CFAP20DC: variants seen among roughly 807,000 people sequenced by gnomAD.
CFAP20DC encodes the protein CFAP20 domain containing, also known as protein CFAP20DC.
In CFAP20DC, 84 loss-of-function variants were observed where a neutral mutation model predicts 101.7. The observed-to-expected ratio is 0.83, with a 90% CI of 0.69 to 0.99. The LOEUF (loss-of-function observed/expected upper bound fraction) is 0.99, where lower values mean the gene tolerates loss of function less well. Among genes scored for constraint, CFAP20DC ranks in the 50% least tolerant of loss-of-function variants. The pLI is 0.00. For synonymous variants in CFAP20DC, 359 were observed against 351.2 expected, an observed-to-expected ratio of 1.02 and a Z score of -0.25; for missense variants, 1,007 against 970.3, an observed-to-expected ratio of 1.04 and a Z score of -0.50.
intron 13 of CFAP20DC, among the ~76,000 whole-genome samples, chr3:58,840,375 A>T (rs907895609): frequency 2.0e-5 from 3 of 152,164 alleles, no homozygotes; most frequent in Admixed American, 1.3e-4. Context: ...TCAATTCAAG[A>T]CCTCAAGCAG....
At chr3:58,743,348 T>A (rs2067986570) in intron 16 of CFAP20DC, among the ~76,000 whole-genome samples, 1 of 152,204 alleles carries the variant, frequency 6.6e-6, no homozygotes, top group South Asian at 2.1e-4. Flanking sequence ...TAAGTACTTT[T>A]GTATTCAAAA....
intron 5 of CFAP20DC, among the ~76,000 whole-genome samples, chr3:58,934,950 G>C (rs2087312654): frequency 6.6e-6 from 1 of 152,268 alleles, no homozygotes; most frequent in Middle Eastern, 3.4e-3. Context: ...AGGAAATAAG[G>C]GGTATTCCAT....
chr3:58,762,000 G>T (rs949774121), intron 15 of CFAP20DC, among the ~76,000 whole-genome samples: 4 of 152,076 alleles, frequency 2.6e-5, no homozygotes, highest in Non-Finnish European at 5.9e-5. Context: ...GTGCTGAAAA[G>T]AATGTATATT....
intron 14 of CFAP20DC, among the ~76,000 whole-genome samples, chr3:58,831,317 G>A (rs2076377580): frequency 6.6e-6 from 1 of 152,150 alleles, no homozygotes; most frequent in African/African-American, 2.4e-5. Context: ...TTTCCTCTGT[G>A]TTCATTCATT....
At chr3:59,043,157 AT>A (rs1699544751) in intron 3 of CFAP20DC, among the ~76,000 whole-genome samples, 1 of 152,164 alleles carries the variant, frequency 6.6e-6, no homozygotes, top group Admixed American at 6.5e-5. Context: ...CAGAGATGGC[AT>A]TTAAATCCAT....
In CFAP20DC at chr3:58,811,871, C is replaced by T. The variant is rs144121301; in HGVS notation, c.2176-5415G>A. Among the ~76,000 whole-genome samples the T allele has an allele frequency of 2.8e-4, 43 of 152,210 alleles. No homozygotes were observed. The East Asian group carries it at 4.8e-3, about 17-fold the overall frequency. ...AACAAATTTACAAGAAAAAAAGAAA[C>T]GACCCCATCAAAAAGTGGGCGAAGG... On this transcript the variant is annotated intron_variant, in intron 14 of 16. Transcript: ENST00000482387.
At position 58,766,996 on chromosome 3, in the gene CFAP20DC, G is replaced by C. The variant is rs147913060; in HGVS notation, c.2238-13133C>G. Among the ~76,000 whole-genome samples the C allele has an allele frequency of 1.7e-3, 258 of 152,202 alleles. 1 individual carries two copies. The highest frequency in any genetic ancestry group is 5.8e-3 in the African/African-American group (240 of 41,528). On this transcript the variant is annotated intron_variant, in intron 15 of 16. Transcript: ENST00000482387. ...TGTGATCTTCTCGTTAAGAGCTCTCGTCTCAGCTCATAATTACAACCTCGT... is the reference window on the plus strand; with the variant it reads ...TGTGATCTTCTCGTTAAGAGCTCTCCTCTCAGCTCATAATTACAACCTCGT...
intron 15 of CFAP20DC, among the ~76,000 whole-genome samples, chr3:58,804,645 G>A (rs142407056): frequency 1.3e-5 from 2 of 152,258 alleles, no homozygotes; most frequent in African/African-American, 4.8e-5. Flanking sequence ...TTATAGGCAT[G>A]AGCCACCATG....
intron 4 of CFAP20DC, among the ~76,000 whole-genome samples, chr3:58,961,896 T>C (rs2108240559): frequency 6.6e-6 from 1 of 152,308 alleles, no homozygotes; most frequent in African/African-American, 2.4e-5. Flanking sequence ...ATTTTGGTCA[T>C]TTGTGTCTCC....
At chr3:58,793,947 T>G (rs2107649389) in intron 15 of CFAP20DC, among the ~76,000 whole-genome samples, 1 of 152,342 alleles carries the variant, frequency 6.6e-6, no homozygotes, top group East Asian at 1.9e-4. Context: ...TGCAACAGAT[T>G]ACAGTTGCTT....
At chr3:58,921,921 T>A (rs186191894) in intron 5 of CFAP20DC, among the ~76,000 whole-genome samples, 1 of 152,356 alleles carries the variant, frequency 6.6e-6, no homozygotes, top group Admixed American at 6.5e-5. Context: ...ATCTTCTTCA[T>A]CATTTAACCT....
At chr3:58,759,671 T>G (rs1282153814) in intron 15 of CFAP20DC, among the ~76,000 whole-genome samples, 1 of 152,250 alleles carries the variant, frequency 6.6e-6, no homozygotes, top group Admixed American at 6.5e-5. Flanking sequence ...GTTTTAGGTC[T>G]AACGTTTAAG....
intron 4 of CFAP20DC, among the ~76,000 whole-genome samples, chr3:58,942,637 A>G (rs1341254264): frequency 6.6e-6 from 1 of 152,182 alleles, no homozygotes; most frequent in Non-Finnish European, 1.5e-5. Flanking sequence ...TCAGGCAAAA[A>G]ACAGGGCAGC....
At chr3:58,906,851 C>A (rs2083640146) in intron 6 of CFAP20DC, among the ~76,000 whole-genome samples, 1 of 152,210 alleles carries the variant, frequency 6.6e-6, no homozygotes, top group Admixed American at 6.5e-5. Context: ...TAGCTTGAGC[C>A]CATGGAGGCT....
At chr3:58,934,179 G>A (rs1481681206) in intron 5 of CFAP20DC, among the ~76,000 whole-genome samples, 1 of 152,174 alleles carries the variant, frequency 6.6e-6, no homozygotes, top group Non-Finnish European at 1.5e-5. Flanking sequence ...TAGAAGTAAT[G>A]GATAAATTCC....
chr3:58,924,806 T>C (rs1225378941), intron 5 of CFAP20DC, among the ~76,000 whole-genome samples: 3 of 152,172 alleles, frequency 2.0e-5, no homozygotes, highest in African/African-American at 4.8e-5. Flanking sequence ...GTGGTTTTAA[T>C]TTGCATTTCT....
chr3:58,987,960 T>G (rs2092806225), intron 4 of CFAP20DC, among the ~76,000 whole-genome samples: 1 of 152,038 alleles, frequency 6.6e-6, no homozygotes, highest in South Asian at 2.1e-4. Context: ...ACTTAATTTA[T>G]CAAATATAAT....
chr3:59,038,207 C>T lies in CFAP20DC; in HGVS notation c.278+1350G>A, dbSNP rs570590959. Among the ~76,000 whole-genome samples the T allele has an allele frequency of 2.0e-5, 3 of 152,208 alleles. No homozygotes were observed. The East Asian group carries it at 5.8e-4, about 29-fold the overall frequency. ...ATGACGGGTTGATGGGTGCAGCGAACCACCATGGCACGTGTATACCCATGT... is the reference window on the plus strand; with the variant it reads ...ATGACGGGTTGATGGGTGCAGCGAATCACCATGGCACGTGTATACCCATGT... On this transcript the variant is annotated intron_variant, in intron 4 of 16. Transcript: ENST00000482387.
At chr3:58,787,843 T>A (rs892869839) in intron 15 of CFAP20DC, among the ~76,000 whole-genome samples, 5 of 152,078 alleles carry the variant, frequency 3.3e-5, no homozygotes, top group Non-Finnish European at 5.9e-5. Flanking sequence ...TGCAGGGACA[T>A]GGATGAAGCC....
Sources: gnomAD v4.1 joint callset for allele counts (sites outside exome capture counted in the v4.1 genomes callset) on GRCh38, gnomAD v4.1.1 for gene constraint, MANE v1.5 for transcripts, NCBI Gene and HGNC (gene_info 2026-07-23, HGNC 2026-07-21) for gene names.